Variants in COLEC12 observed in about 807,000 individuals in gnomAD.
COLEC12 encodes the protein collectin subfamily member 12.
COLEC12 carries 33 observed loss-of-function variants against 71.1 expected under a neutral mutation model. That is an observed-to-expected ratio of 0.46 (90% CI 0.35 to 0.62). The LOEUF is 0.62. COLEC12 is among the 20% of genes least tolerant of loss of function. The pLI is 0.00. For missense variants in COLEC12, 765 were observed against 916.1 expected (o/e 0.84, Z 2.13); for synonymous variants, 350 against 353.0 (o/e 0.99, Z 0.10).
Position 346,373 on chromosome 18 carries a change from A to G in COLEC12, c.1249T>C (p.Leu417=). ...RSRLDTEVAN[L]SVIMEEMKLV... is the part of the protein sequence containing the mutation. The stretch of plus-strand genomic sequence containing the variant: ...TTCATTTCTTCCATAATCACTGATA[A>G]GTTGGCTACTTCAGTGTCTAACCTC... The change falls in exon 5 of 10, where the codon TTA becomes CTA. Residue 417 remains leucine, a synonymous_variant. Transcript: ENST00000400256. The surrounding 1 kb of genome is among the most constrained non-coding windows in gnomAD (Gnocchi z 4.0). 1 of 1,614,104 alleles carries G rather than the reference A, an allele frequency of 6.2e-7. No homozygotes were observed. The highest frequency in any genetic ancestry group is 2.2e-5 in the East Asian group (1 of 44,884).
intron 1 of COLEC12, among the ~76,000 whole-genome samples, chr18:492,028 G>T (rs1917628626): frequency 6.6e-6 from 1 of 152,186 alleles, no homozygotes. Flanking sequence ...TTGTAGGGGG[G>T]TAATTAGATC....
At chr18:497,447 T>G (rs1917735377) in intron 1 of COLEC12, among the ~76,000 whole-genome samples, 1 of 150,758 alleles carries the variant, frequency 6.6e-6, no homozygotes. Context: ...TTCTGTCACC[T>G]GCGCTGAAGT....
At chr18:332,278 C>T (rs895139347) in intron 7 of COLEC12, among the ~76,000 whole-genome samples, 1 of 152,188 alleles carries the variant, frequency 6.6e-6, no homozygotes, top group Admixed American at 6.5e-5. Flanking sequence ...CACTGTCTGC[C>T]GTGTGCTCAT....
chr18:346,959 C>T lies in COLEC12; in HGVS notation c.663G>A (p.Thr221=), dbSNP rs764989646. The part of the protein sequence containing the change: ...LTQVQQRNLI[T]NLQRSVDDTS... ...TGTCATCCACAGACCGCTGCAGATTCGTGATGAGGTTCCTCTGCTGCACCT... is the reference window on the plus strand; with the variant it reads ...TGTCATCCACAGACCGCTGCAGATTTGTGATGAGGTTCCTCTGCTGCACCT... The change falls in exon 5 of 10, where the codon ACG becomes ACA. Residue 221 remains threonine, a synonymous_variant. Coordinates refer to ENST00000400256, the MANE Select transcript of COLEC12 (RefSeq NM_130386.3). This position sits in a 1 kb window ranked among gnomAD's most constrained non-coding sequence, Gnocchi z 4.0. The T allele has an allele frequency of 1.2e-5, 20 of 1,614,074 alleles. No homozygotes were observed. The East Asian group carries it at 1.8e-4, about 14-fold the overall frequency.
chr18:370,021 A>G (rs1443884481), intron 2 of COLEC12, among the ~76,000 whole-genome samples: 3 of 152,202 alleles, frequency 2.0e-5, no homozygotes, highest in Non-Finnish European at 2.9e-5. Flanking sequence ...TACAAGGCAG[A>G]AAAAAATACA....
chr18:378,457 G>A (rs2143553681), intron 2 of COLEC12, among the ~76,000 whole-genome samples: 1 of 152,250 alleles, frequency 6.6e-6, no homozygotes, highest in South Asian at 2.1e-4. Flanking sequence ...TTTGTGTTTC[G>A]GTGAACTGAA....
intron 8 of COLEC12, among the ~76,000 whole-genome samples, chr18:322,345 A>G (rs1294471590): frequency 6.6e-6 from 1 of 152,224 alleles, no homozygotes; most frequent in Non-Finnish European, 1.5e-5. Context: ...ACAATTACAA[A>G]TAACTGGTTA....
At chr18:338,483 G>A (rs551992726) in intron 5 of COLEC12, among the ~76,000 whole-genome samples, 77 of 152,286 alleles carry the variant, frequency 5.1e-4, no homozygotes, top group Non-Finnish European at 8.5e-4. Flanking sequence ...CTGCCACTAC[G>A]AAATAATCAT....
chr18:434,864 C>T (rs904531754), intron 2 of COLEC12, among the ~76,000 whole-genome samples: 2 of 152,142 alleles, frequency 1.3e-5, no homozygotes, highest in African/African-American at 4.8e-5. Flanking sequence ...TTTTCCTGCT[C>T]CATTTCTCAT....
chr18:450,087 A>G (rs1916730065), intron 2 of COLEC12, among the ~76,000 whole-genome samples: 1 of 152,244 alleles, frequency 6.6e-6, no homozygotes, highest in Non-Finnish European at 1.5e-5. Flanking sequence ...GCATTAGTGG[A>G]CATTTAAGTT....
intron 2 of COLEC12, among the ~76,000 whole-genome samples, chr18:410,048 G>A (rs1331386286): frequency 6.6e-6 from 1 of 152,134 alleles, no homozygotes; most frequent in East Asian, 1.9e-4. Context: ...CTGTAAATCG[G>A]GGTTAATAAT....
At position 317,981 on chromosome 18, in the gene COLEC12, T is replaced by TA. The variant is rs1913585685; in HGVS notation, c.*2063_*2064insT. 1 of 151,120 alleles carries TA rather than the reference T, an allele frequency of 6.6e-6. No individual in the cohort carries two copies. Among genetic ancestry groups the TA allele is most frequent in the Non-Finnish European group, 1.5e-5 (1 of 67,762 alleles). The allele number at this position is 151,120 out of a possible 1,614,324, so 9.4% of individuals were successfully genotyped here. On this transcript the variant is annotated 3_prime_UTR_variant, in exon 10 of 10. Transcript: ENST00000400256. ...AAGTCAAACTCTGTCTTTATTCTTT[T>TA]TTTTTTTTCTTTTTGAGATGAGTCT...
At chr18:378,102 C>A (rs1424984131) in intron 2 of COLEC12, among the ~76,000 whole-genome samples, 1 of 152,140 alleles carries the variant, frequency 6.6e-6, no homozygotes, top group Non-Finnish European at 1.5e-5. Flanking sequence ...AAAGGATACC[C>A]CCTGCTGCTG....
chr18:437,744 C>G (rs1175407647), intron 2 of COLEC12, among the ~76,000 whole-genome samples: 1 of 152,232 alleles, frequency 6.6e-6, no homozygotes, highest in Non-Finnish European at 1.5e-5. Flanking sequence ...AGAAGGAATA[C>G]TAATGACAAT....
intron 2 of COLEC12, among the ~76,000 whole-genome samples, chr18:464,194 T>C (rs534284658): frequency 4.1e-4 from 62 of 152,360 alleles, no homozygotes; most frequent in African/African-American, 1.3e-3. Context: ...TTATCTGCTA[T>C]TGTTCCATGC....
At chr18:468,112 A>G (rs1917121659) in intron 2 of COLEC12, among the ~76,000 whole-genome samples, 2 of 151,988 alleles carry the variant, frequency 1.3e-5, no homozygotes, top group Non-Finnish European at 2.9e-5. Context: ...AAATACAAAA[A>G]TTATCTGGTT....
chr18:387,935 T>C (rs767958342), intron 2 of COLEC12, among the ~76,000 whole-genome samples: 11 of 152,150 alleles, frequency 7.2e-5, no homozygotes, highest in Non-Finnish European at 1.6e-4. Context: ...TTGCTAGCTC[T>C]CTCCAATACT....
intron 2 of COLEC12, among the ~76,000 whole-genome samples, chr18:415,290 C>A (rs1241089947): frequency 6.6e-6 from 1 of 152,186 alleles, no homozygotes; most frequent in Non-Finnish European, 1.5e-5. Context: ...ACTAGCAAAC[C>A]GCAGAACGAG....
chr18:337,298 T>C (rs964368196), intron 5 of COLEC12, among the ~76,000 whole-genome samples: 22 of 152,186 alleles, frequency 1.4e-4, no homozygotes, highest in African/African-American at 5.1e-4. Context: ...CCCTCTCCCA[T>C]TGGTCTGAGG....
Sources: gnomAD v4.1 joint callset for allele counts (sites outside exome capture counted in the v4.1 genomes callset) on GRCh38, gnomAD v4.1.1 for gene constraint, Gnocchi (gnomAD v3.1) non-coding constraint, MANE v1.5 for transcripts, NCBI Gene and HGNC (gene_info 2026-07-23, HGNC 2026-07-21) for gene names.